CREBZF: variants seen among roughly 807,000 people sequenced by gnomAD.
The protein encoded by CREBZF is CREB/ATF bZIP transcription factor, also known as HCF-binding transcription factor Zhangfei.
In CREBZF, 8 loss-of-function variants were observed where a neutral mutation model predicts 21.1. The ratio of observed to expected loss-of-function variants is 0.38; its 90% CI spans 0.22 to 0.68. The LOEUF (loss-of-function observed/expected upper bound fraction) is 0.68, where lower values mean the gene tolerates loss of function less well. Ranked by LOEUF, CREBZF falls within the 30% of genes least tolerant of loss-of-function variation. The pLI is 0.51. For missense variants in CREBZF, 518 were observed against 484.3 expected, an observed-to-expected ratio of 1.07 and a Z score of -0.65; for synonymous variants, 270 against 223.3, an observed-to-expected ratio of 1.21 and a Z score of -1.86.
Position 85,662,624 on chromosome 11 carries a change from A to G in CREBZF, c.*1187T>C, listed in dbSNP as rs7116195. 128,114 of 485,818 alleles carry G rather than the reference A, an allele frequency of 0.26. 18,721 individuals are homozygous for G. Among genetic ancestry groups the G allele is most frequent in the East Asian group, 0.4 (13,606 of 34,050 alleles). 30.1% of individuals were successfully genotyped at this position (485,818 alleles called of 1,614,324 possible). A position where few individuals can be genotyped will look rare whatever the true frequency, so the allele number is the denominator to read the frequency against. ...ATAAATCCCACCTTAGGAAAATAGT[A>G]CCAATCGTGTCATTTAAGTGGCCAG... On this transcript the variant is annotated 3_prime_UTR_variant, in exon 1 of 1. Transcript: ENST00000527447.
At chr11:85,668,881 A>T (rs1329802120), upstream of CREBZF, among the ~76,000 whole-genome samples, 2 of 150,500 alleles carry the variant, frequency 1.3e-5, no homozygotes, top group African/African-American at 4.9e-5. Flanking sequence ...GGGCGCCTGT[A>T]GTCCCAGCTA....
rs1160673013 is a variant in CREBZF at position 85,665,087 on chromosome 11, A to C, written c.-212T>G. The C allele has an allele frequency of 4.7e-6, 2 of 425,970 alleles. No homozygotes were observed. The highest frequency in any genetic ancestry group is 8.5e-6 in the Non-Finnish European group (2 of 235,410). The allele number at this position is 425,970 out of a possible 1,614,324, so 26.4% of individuals were successfully genotyped here. On this transcript the variant is annotated 5_prime_UTR_variant, in exon 1 of 1. Coordinates refer to ENST00000527447, the MANE Select transcript of CREBZF (RefSeq NM_001039618.4). ...GAGAACGAAGCGGTGAGGCCCTGCGATGACTCGACCGCGCCACCCAGACAA... is the reference window on the plus strand; with the variant it reads ...GAGAACGAAGCGGTGAGGCCCTGCGCTGACTCGACCGCGCCACCCAGACAA...
At chr11:85,666,735 G>C (rs561624356), upstream of CREBZF, among the ~76,000 whole-genome samples, 33 of 152,330 alleles carry the variant, frequency 2.2e-4, no homozygotes, top group Non-Finnish European at 4.1e-4. Context: ...TATTGAGTGA[G>C]TGAGTGAATA....
upstream of CREBZF, among the ~76,000 whole-genome samples, chr11:85,669,192 T>G (rs2082894472): frequency 6.6e-6 from 1 of 152,024 alleles, no homozygotes; most frequent in South Asian, 2.1e-4. Context: ...TGTGTGAGGT[T>G]CACTAGCTTA....
At chr11:85,669,789 CTAAA>C (rs1415684411), upstream of CREBZF, among the ~76,000 whole-genome samples, 1 of 151,958 alleles carries the variant, frequency 6.6e-6, no homozygotes, top group East Asian at 1.9e-4. Context: ...ACTGAATTAA[CTAAA>C]TGTTTTTTGT....
In CREBZF at chr11:85,660,141, T is replaced by C. The variant is rs2082633779; in HGVS notation, c.*3670A>G. ...AAATTAGCTCTCATGTTCCAGGAAA[T>C]AAATACAAACTCATATGCCTTGTGA... On this transcript the variant is annotated 3_prime_UTR_variant, in exon 1 of 1. Transcript: ENST00000527447. 6.5e-6 allele frequency: 1 copy of C among 154,012 alleles called. No individual in the cohort carries two copies. The highest frequency in any genetic ancestry group is 2.4e-5 in the African/African-American group (1 of 41,450). The allele number at this position is 154,012 out of a possible 1,614,324, so 9.5% of individuals were successfully genotyped here.
At chr11:85,677,591 C>T (rs2082950565) in intron 1 of CREBZF, among the ~76,000 whole-genome samples, 2 of 152,180 alleles carry the variant, frequency 1.3e-5, no homozygotes, top group Admixed American at 1.3e-4. Flanking sequence ...CACTAGCCCA[C>T]ATATTTTATG....
At position 85,663,936 on chromosome 11, in the gene CREBZF, T is replaced by G. The variant is rs1340618347; in HGVS notation, c.940A>C (p.Lys314Gln). 1 of 1,613,854 alleles carries G rather than the reference T, an allele frequency of 6.2e-7. No individual in the cohort carries two copies. The highest frequency in any genetic ancestry group is 1.7e-5 in the Admixed American group (1 of 60,022). ...HDYALPVGKQ[K>Q]QDLLEEDDSA... ...TCGTCCTCTTCCAGCAGGTCCTGCT[T>G]CTGCTTTCCCACCGGCAGAGCGTAG... is the stretch of plus-strand genomic sequence containing the variant. The change falls in exon 1 of 1, where the codon AAG (lysine) becomes CAG (glutamine). Residue 314 changes from lysine (K) to glutamine (Q), a missense_variant. Lys to Gln is a moderately conservative substitution (Grantham distance 53). Around this residue, in one of 3 missense-constraint regions of CREBZF, gnomAD observed 114 missense variants for 134.1 expected, o/e 0.85. Transcript: ENST00000527447.
At chr11:85,682,606 T>TCCCC in intron 1 of CREBZF, 2 of 204,626 alleles carry the variant, frequency 9.8e-6, no homozygotes, top group Non-Finnish European at 8.4e-6. Flanking sequence ...CCTGCCCTAC[T>TCCCC]CCCCCCAACG....
At chr11:85,682,080 T>C (rs1165905380) in intron 1 of CREBZF, among the ~76,000 whole-genome samples, 1 of 152,124 alleles carries the variant, frequency 6.6e-6, no homozygotes, top group African/African-American at 2.4e-5. Context: ...TAAATAAGAA[T>C]TTCGCGACAG....
Position 85,664,599 on chromosome 11 carries a change from C to T in CREBZF, c.277G>A (p.Gly93Arg), listed in dbSNP as rs376800329. 6.2e-7 allele frequency: 1 copy of T among 1,613,692 alleles called. No homozygotes were observed. The highest frequency in any genetic ancestry group is 1.3e-5 in the African/African-American group (1 of 74,918). The change falls in exon 1 of 1, where the codon GGG (glycine) becomes AGG (arginine). Residue 93 changes from glycine (G) to arginine (R), a missense_variant. This residue lies in a region of CREBZF where 396 missense variants were observed against 324.4 expected (regional missense o/e 1.22). Coordinates refer to ENST00000527447, the MANE Select transcript of CREBZF (RefSeq NM_001039618.4). The surrounding 1 kb of genome is among the most constrained non-coding windows in gnomAD (Gnocchi z 5.5). ...MEEEAIASLP[G>R]EETEDMDFLS... ...AAGTCCATATCCTCCGTCTCTTCCC[C>T]CGGGAGGCTGGCGATCGCCTCCTCC...
chr11:85,666,863 T>G (rs555722228), upstream of CREBZF, among the ~76,000 whole-genome samples: 1 of 152,186 alleles, frequency 6.6e-6, no homozygotes, highest in East Asian at 1.9e-4. Context: ...AAAGGACTCC[T>G]TGTCCTGCTT....
chr11:85,672,889 T>TA (rs959525495), intron 1 of CREBZF, among the ~76,000 whole-genome samples: 10 of 152,194 alleles, frequency 6.6e-5, no homozygotes, highest in African/African-American at 2.4e-4. Context: ...GAGCCTATCT[T>TA]AAGGGGCTGG....
chr11:85,667,288 G>T (rs1448995131), upstream of CREBZF, among the ~76,000 whole-genome samples: 1 of 151,902 alleles, frequency 6.6e-6, no homozygotes, highest in Non-Finnish European at 1.5e-5. Context: ...GGTCAGGCTG[G>T]TCTCGAACTC....
Position 85,658,341 on chromosome 11 carries a change from T to C in CREBZF, c.*5470A>G, listed in dbSNP as rs1408884347. On this transcript the variant is annotated 3_prime_UTR_variant, in exon 1 of 1. Transcript: ENST00000527447. ...AATACCATTTATAAATGAGGATGAG[T>C]TTACAATGGTTTCTGTAACCAAAAA... 6.6e-6 allele frequency among the ~76,000 whole-genome samples: 1 copy of C among 152,040 alleles called. No homozygotes were observed. The highest frequency in any genetic ancestry group is 1.5e-5 in the Non-Finnish European group (1 of 67,898).
In CREBZF at chr11:85,663,423, GAAAAA is replaced by G. The variant is rs71274435; in HGVS notation, c.*383_*387del. On this transcript the variant is annotated 3_prime_UTR_variant, in exon 1 of 1. Transcript: ENST00000527447. Reference sequence around the variant, plus strand: ...GATTTCCCTCCCACCTTCCAAAACAGAAAAAAAAAAAAAAATCACACACACACAAA... The same window carrying G: ...GATTTCCCTCCCACCTTCCAAAACAGAAAAAAAAAATCACACACACACAAA... 3.4e-6 allele frequency: 2 copies of G among 588,362 alleles called. No homozygotes were observed. The allele number at this position is 588,362 out of a possible 1,614,324, so 36.4% of individuals were successfully genotyped here.
At chr11:85,673,763 A>G (rs2153329401) in intron 1 of CREBZF, among the ~76,000 whole-genome samples, 1 of 152,324 alleles carries the variant, frequency 6.6e-6, no homozygotes, top group South Asian at 2.1e-4. Context: ...AATTGGAGTC[A>G]ATTCTCTCCA....
chr11:85,659,358 GT>G lies in CREBZF; in HGVS notation c.*4452del, dbSNP rs2082610754. 6.6e-6 allele frequency among the ~76,000 whole-genome samples: 1 copy of G among 151,978 alleles called. No homozygotes were observed. The highest frequency in any genetic ancestry group is 6.6e-5 in the Admixed American group (1 of 15,246). Reference sequence around the variant, plus strand: ...GAATTACCCAGTCTGTTCTATCAAAGTAGTAGTTAAGGTCACCAAATAATGT... The same window carrying G: ...GAATTACCCAGTCTGTTCTATCAAAGAGTAGTTAAGGTCACCAAATAATGT... On this transcript the variant is annotated 3_prime_UTR_variant, in exon 1 of 1. Transcript: ENST00000527447.
chr11:85,680,003 T>A (rs1468880511), intron 1 of CREBZF, among the ~76,000 whole-genome samples: 1 of 152,208 alleles, frequency 6.6e-6, no homozygotes, highest in Non-Finnish European at 1.5e-5. Flanking sequence ...TATAAAATGG[T>A]ATACATTAAG....
Sources: allele counts gnomAD v4.1 joint callset (sites outside exome capture counted in the v4.1 genomes callset), GRCh38; gene constraint gnomAD v4.1.1; regional missense constraint gnomAD v4.1.1; non-coding constraint Gnocchi (gnomAD v3.1); transcripts MANE v1.5; gene names NCBI Gene and HGNC (gene_info 2026-07-23, HGNC 2026-07-21).